The following TNS3 variants were observed in gnomAD, a reference collection of about 807,000 sequenced individuals.
TNS3 encodes the protein tensin 3.
Under a neutral mutation model 140.9 loss-of-function variants are expected in TNS3, and 45 were observed. That is an observed-to-expected ratio of 0.32 (90% confidence interval 0.25 to 0.41). TNS3 has a LOEUF of 0.41. TNS3 is among the 10% of genes least tolerant of loss of function. The pLI, the probability that TNS3 is intolerant of heterozygous loss-of-function variation, is 1.00. For synonymous variants in TNS3, 815 were observed against 788.4 expected (o/e 1.03, Z -0.56); for missense variants, 1,716 against 1,906.7 (o/e 0.90, Z 1.86).
chr7:47,435,360 A>T lies in TNS3; in HGVS notation c.246T>A (p.Asp82Glu). Reference sequence around the variant, plus strand: ...GCGCCTTGCATATGGTACACATCTTATCCAGGGGCGGTGCGTGGAGCTCTG... The same window carrying T: ...GCGCCTTGCATATGGTACACATCTTTTCCAGGGGCGGTGCGTGGAGCTCTG... ...GWPELHAPPL[D>E]KMCTICKAQE... Residue 82 changes from aspartate to glutamate, a missense_variant, in exon 8 of 31, where the codon GAT becomes GAA. By Grantham distance (45) the Asp-to-Glu change is conservative (BLOSUM62 2). Coordinates refer to ENST00000311160, the MANE Select transcript of TNS3 (RefSeq NM_022748.12). 1.9e-6 allele frequency: 3 copies of T among 1,614,110 alleles called. No individual in the cohort carries two copies. The highest frequency in any genetic ancestry group is 2.5e-6 in the Non-Finnish European group (3 of 1,180,032).
At chr7:47,387,027 C>T (rs2151262809) in intron 16 of TNS3, among the ~76,000 whole-genome samples, 1 of 152,340 alleles carries the variant, frequency 6.6e-6, no homozygotes, top group Non-Finnish European at 1.5e-5. Context: ...CCCCTCTGTC[C>T]TTGGACTTAC....
chr7:47,532,069 C>CT (rs989060975), intron 1 of TNS3, among the ~76,000 whole-genome samples: 3 of 152,174 alleles, frequency 2.0e-5, no homozygotes, highest in African/African-American at 7.2e-5. Context: ...GGAAGCCCCC[C>CT]CCCGCCCACC....
At chr7:47,437,032 G>T (rs1224810706) in intron 7 of TNS3, among the ~76,000 whole-genome samples, 1 of 152,056 alleles carries the variant, frequency 6.6e-6, no homozygotes, top group East Asian at 1.9e-4. Context: ...TTCTCCCACT[G>T]GAAAGACTGG....
intron 13 of TNS3, among the ~76,000 whole-genome samples, chr7:47,409,997 G>C (rs116660455): frequency 6.6e-6 from 1 of 152,182 alleles, no homozygotes; most frequent in African/African-American, 2.4e-5. Context: ...CCCAGTTCCA[G>C]AGTGGGTGGA....
chr7:47,458,055 G>A (rs1191852940), intron 4 of TNS3, among the ~76,000 whole-genome samples: 1 of 152,174 alleles, frequency 6.6e-6, no homozygotes, highest in South Asian at 2.1e-4. Flanking sequence ...GAGACAGTAC[G>A]TCTCATGCCA....
intron 1 of TNS3, among the ~76,000 whole-genome samples, chr7:47,530,748 AG>A (rs896041263): frequency 6.8e-6 from 1 of 147,782 alleles, no homozygotes; most frequent in African/African-American, 2.5e-5. Flanking sequence ...GCTTGAACCC[AG>A]GAGGTGGAGG....
chr7:47,330,336 G>A lies in TNS3; in HGVS notation c.2650+14419C>T, dbSNP rs551925100. On this transcript the variant is annotated intron_variant, in intron 20 of 30. Coordinates refer to ENST00000311160, the MANE Select transcript of TNS3 (RefSeq NM_022748.12). Reference sequence around the variant, plus strand: ...TGGTCTCACGCAGCTCCCACTCTGCGGGCTCAGGCCCTTTGCAGGCATGAT... The same window carrying A: ...TGGTCTCACGCAGCTCCCACTCTGCAGGCTCAGGCCCTTTGCAGGCATGAT... Among the ~76,000 whole-genome samples, 9 of 152,292 alleles carry A rather than the reference G, an allele frequency of 5.9e-5. No homozygotes were observed. The South Asian group carries it at 1.9e-3, about 32-fold the overall frequency.
intron 4 of TNS3, among the ~76,000 whole-genome samples, chr7:47,474,590 GACACACCTCACACACAAA>G (rs935991666): frequency 3.2e-5 from 3 of 95,134 alleles, no homozygotes; most frequent in Admixed American, 1.1e-4. Context: ...ACACACACAA[GACACACCTCACACACAAA>G]ACACCTCACA....
intron 16 of TNS3, among the ~76,000 whole-genome samples, chr7:47,382,650 C>G (rs1281337359): frequency 6.6e-6 from 1 of 152,096 alleles, no homozygotes; most frequent in Non-Finnish European, 1.5e-5. Flanking sequence ...GGATTGGTTC[C>G]AAGACACCAG....
At chr7:47,281,337 C>A (rs1347287359) in intron 28 of TNS3, among the ~76,000 whole-genome samples, 1 of 152,230 alleles carries the variant, frequency 6.6e-6, no homozygotes, top group Non-Finnish European at 1.5e-5. Flanking sequence ...TCCACCCAGT[C>A]CACATGGTCC....
chr7:47,571,546 C>T (rs1174873159), intron 1 of TNS3, among the ~76,000 whole-genome samples: 3 of 152,194 alleles, frequency 2.0e-5, no homozygotes, highest in South Asian at 4.1e-4. Context: ...GCAGAAAAAC[C>T]AGTGTGTACA....
intron 3 of TNS3, among the ~76,000 whole-genome samples, chr7:47,496,807 T>C (rs976809193): frequency 6.6e-6 from 1 of 152,184 alleles, no homozygotes; most frequent in African/African-American, 2.4e-5. Context: ...TAGGCCCAGA[T>C]ACCCTGGCTG....
intron 3 of TNS3, among the ~76,000 whole-genome samples, chr7:47,484,242 C>A (rs1465491122): frequency 6.6e-6 from 1 of 152,068 alleles, no homozygotes; most frequent in Non-Finnish European, 1.5e-5. Context: ...GAGCACCAAC[C>A]AGAGAAAAAG....
intron 1 of TNS3, among the ~76,000 whole-genome samples, chr7:47,552,425 T>A (rs374181137): frequency 2.0e-4 from 30 of 152,348 alleles, no homozygotes; most frequent in Admixed American, 3.9e-4. Context: ...CAGTTTTTTT[T>A]AACAAACTAA....
chr7:47,507,849 G>A (rs1798476898), intron 2 of TNS3, among the ~76,000 whole-genome samples: 1 of 152,164 alleles, frequency 6.6e-6, no homozygotes. Flanking sequence ...CAGCCCACAG[G>A]GACAGCTGTG....
intron 1 of TNS3, among the ~76,000 whole-genome samples, chr7:47,544,533 G>A (rs775241487): frequency 3.3e-5 from 5 of 152,140 alleles, no homozygotes; most frequent in Non-Finnish European, 7.3e-5. Context: ...ATTCTGCCAT[G>A]GGAGGACACA....
intron 20 of TNS3, among the ~76,000 whole-genome samples, chr7:47,312,822 T>G (rs1787181025): frequency 6.6e-6 from 1 of 152,074 alleles, no homozygotes; most frequent in South Asian, 2.1e-4. Context: ...ACATGGCACA[T>G]GTACACATGT....
At chr7:47,314,575 A>G (rs562628446) in intron 20 of TNS3, among the ~76,000 whole-genome samples, 1 of 152,350 alleles carries the variant, frequency 6.6e-6, no homozygotes, top group South Asian at 2.1e-4. Context: ...GCTCACCATA[A>G]GAACAGGCAG....
intron 16 of TNS3, among the ~76,000 whole-genome samples, chr7:47,370,721 T>C (rs1791017248): frequency 6.6e-6 from 1 of 152,212 alleles, no homozygotes; most frequent in Non-Finnish European, 1.5e-5. Flanking sequence ...TCCTCGACTG[T>C]GAAATTGCAA....
Sources: allele counts gnomAD v4.1 joint callset (sites outside exome capture counted in the v4.1 genomes callset), GRCh38; gene constraint gnomAD v4.1.1; transcripts MANE v1.5; gene names NCBI Gene and HGNC (gene_info 2026-07-23, HGNC 2026-07-21).